Variants in GFM1 observed in about 807,000 individuals in gnomAD.
The protein encoded by GFM1 is G elongation factor mitochondrial 1.
In GFM1, 62 loss-of-function variants were observed where a neutral mutation model predicts 96.2. That is an observed-to-expected ratio of 0.64 (90% CI 0.53 to 0.80). The LOEUF (loss-of-function observed/expected upper bound fraction) is 0.80, where lower values mean the gene tolerates loss of function less well. GFM1 is among the 30% of genes least tolerant of loss of function. The pLI, the probability that GFM1 is intolerant of heterozygous loss-of-function variation, is 0.00. For missense variants in GFM1, 852 were observed against 916.6 expected (o/e 0.93, Z 0.91); for synonymous variants, 282 against 312.9 (o/e 0.90, Z 1.04).
At chr3:158,668,129 T>C (rs1419527103) in intron 13 of GFM1, among the ~76,000 whole-genome samples, 1 of 152,184 alleles carries the variant, frequency 6.6e-6, no homozygotes, top group Non-Finnish European at 1.5e-5. Flanking sequence ...AATTGTCCCT[T>C]AGTATCCATG....
Position 158,691,981 on chromosome 3 carries a change from G to T in GFM1, c.*514G>T, listed in dbSNP as rs1726361564. 1 of 157,456 alleles carries T rather than the reference G, an allele frequency of 6.4e-6. No individual in the cohort carries two copies. The highest frequency in any genetic ancestry group is 2.4e-5 in the African/African-American group (1 of 41,438). 9.8% of individuals were successfully genotyped at this position (157,456 alleles called of 1,614,324 possible). ...TTTAAGTCTCATAACTCTATTTTTA[G>T]TTTGCTGAAGACTTGAAAGTGAATC... On this transcript the variant is annotated 3_prime_UTR_variant, in exon 18 of 18. Transcript: ENST00000486715.
intron 13 of GFM1, chr3:158,669,707 T>G: frequency 8.3e-7 from 1 of 1,207,718 alleles, no homozygotes; most frequent in Non-Finnish European, 1.2e-6. Flanking sequence ...CTCCTAATGG[T>G]GTTGTTTTAG....
Position 158,690,580 on chromosome 3 carries a change from A to C in GFM1, c.2070+257A>C. ...CTCTTTCTTGAATAAGCACAGATGGACAAATTAAAAAGAAAAGGAAAAATA... is the reference window on the plus strand; with the variant it reads ...CTCTTTCTTGAATAAGCACAGATGGCCAAATTAAAAAGAAAAGGAAAAATA... On this transcript the variant is annotated intron_variant, in intron 16 of 17. Coordinates refer to ENST00000486715, the MANE Select transcript of GFM1 (RefSeq NM_024996.7). 1.3e-5 allele frequency: 6 copies of C among 455,780 alleles called. No homozygotes were observed. The East Asian group carries it at 2.6e-4, about 19-fold the overall frequency. 28.2% of individuals were successfully genotyped at this position (455,780 alleles called of 1,614,324 possible).
chr3:158,674,581 A>G (rs1042318521), intron 13 of GFM1, among the ~76,000 whole-genome samples: 2 of 152,240 alleles, frequency 1.3e-5, no homozygotes, highest in African/African-American at 2.4e-5. Context: ...AAATAAAAAA[A>G]TAAGACTTTC....
chr3:158,661,103 G>A, intron 10 of GFM1, 128 bp downstream of exon 10: 1 of 738,674 alleles, frequency 1.4e-6, no homozygotes, highest in East Asian at 2.5e-5. Flanking sequence ...CATCAAGTTA[G>A]TTGTGGCTCT....
chr3:158,664,528 A>G (rs1723460587), intron 11 of GFM1, among the ~76,000 whole-genome samples: 1 of 152,162 alleles, frequency 6.6e-6, no homozygotes, highest in African/African-American at 2.4e-5. Flanking sequence ...CCCTGCCTCC[A>G]TCTTCAGTGC....
chr3:158,655,725 A>G, intron 8 of GFM1: 1 of 363,418 alleles, frequency 2.8e-6, no homozygotes, highest in Non-Finnish European at 5.4e-6. Flanking sequence ...TCTATTGTTA[A>G]TACACACTGT....
In GFM1 at chr3:158,665,339, C is replaced by A. The variant is rs774976760; in HGVS notation, c.1383C>A (p.Asn461Lys). The A allele has an allele frequency of 1.2e-6, 2 of 1,606,714 alleles. No individual in the cohort carries two copies. Among genetic ancestry groups the A allele is most frequent in the South Asian group, 2.2e-5 (2 of 90,880 alleles). ...ISIAMKPSNK[N>K]DLEKFSKGIG... ...GTGACTTTCTTCTTCTTTTAAAGAA[C>A]GATCTGGAAAAATTTTCAAAAGGTA... Residue 461 changes from asparagine to lysine, a missense_variant and splice_region_variant, in exon 12 of 18, where the codon AAC becomes AAA. By Grantham distance (94) the Asn-to-Lys change is moderately conservative. Coordinates refer to ENST00000486715, the MANE Select transcript of GFM1 (RefSeq NM_024996.7).
intron 13 of GFM1, among the ~76,000 whole-genome samples, chr3:158,674,504 G>A (rs1022946961): frequency 2.0e-5 from 3 of 152,134 alleles, no homozygotes; most frequent in African/African-American, 7.2e-5. Context: ...CAAAGAATTG[G>A]TGAAATTTGG....
intron 11 of GFM1, among the ~76,000 whole-genome samples, chr3:158,664,174 G>A (rs1723420994): frequency 6.6e-6 from 1 of 152,204 alleles, no homozygotes; most frequent in South Asian, 2.1e-4. Flanking sequence ...TGTGGTAAAT[G>A]ATAGCTGTTA....
chr3:158,665,877 A>G (rs1723624709), intron 12 of GFM1, among the ~76,000 whole-genome samples: 1 of 152,208 alleles, frequency 6.6e-6, no homozygotes, highest in African/African-American at 2.4e-5. Context: ...GGAAGGGAAG[A>G]TGGGGCCTAT....
At chr3:158,646,720 C>T (rs757305168) in intron 3 of GFM1, 23 bp from the exon 4 acceptor site, 4 of 1,597,428 alleles carry the variant, frequency 2.5e-6, no homozygotes, top group Admixed American at 3.4e-5. Flanking sequence ...CTTTAAGACC[C>T]TCTCATACTT....
At chr3:158,652,561 A>G (rs1722383624) in intron 6 of GFM1, among the ~76,000 whole-genome samples, 1 of 152,088 alleles carries the variant, frequency 6.6e-6, no homozygotes, top group South Asian at 2.1e-4. Flanking sequence ...CCACAGCACT[A>G]TTGTTGGCCT....
At chr3:158,664,251 C>T (rs1451902492) in intron 11 of GFM1, among the ~76,000 whole-genome samples, 1 of 152,222 alleles carries the variant, frequency 6.6e-6, no homozygotes, top group Admixed American at 6.5e-5. Context: ...AACGTAGTGG[C>T]TTAAAACAAC....
chr3:158,690,255 A>G lies in GFM1; in HGVS notation c.2002A>G (p.Ile668Val), dbSNP rs199677035. 3 of 1,614,004 alleles carry G rather than the reference A, an allele frequency of 1.9e-6. No individual in the cohort carries two copies. The highest frequency in any genetic ancestry group is 2.5e-6 in the Non-Finnish European group (3 of 1,179,898). The change falls in exon 16 of 18, where the codon ATT becomes GTT. Residue 668 changes from isoleucine to valine, a missense_variant. Coordinates refer to ENST00000486715, the MANE Select transcript of GFM1 (RefSeq NM_024996.7). ...NEFQGQVIAG[I>V]NRRHGVITGQ... The stretch of plus-strand genomic sequence containing the variant: ...ATTTCAGGGACAAGTAATTGCAGGA[A>G]TTAACCGACGCCATGGGGTAATCAC...
At chr3:158,683,090 GT>G (rs1725552068) in intron 14 of GFM1, among the ~76,000 whole-genome samples, 1 of 151,688 alleles carries the variant, frequency 6.6e-6, no homozygotes, top group African/African-American at 2.4e-5. Context: ...ATAGACTGTG[GT>G]TTTTGTTTTT....
At chr3:158,669,245 TTTAA>T (rs1724029101) in intron 13 of GFM1, 21 of 1,282,332 alleles carry the variant, frequency 1.6e-5, no homozygotes, top group South Asian at 4.2e-5. Context: ...CAAAAAATAA[TTTAA>T]TTAAGCTATG....
intron 13 of GFM1, among the ~76,000 whole-genome samples, chr3:158,677,351 G>A (rs1724988089): frequency 6.6e-6 from 1 of 152,196 alleles, no homozygotes; most frequent in South Asian, 2.1e-4. Flanking sequence ...TTTGAAGCTA[G>A]CAGATGTTGG....
Position 158,665,322 on chromosome 3 carries a change from C to G in GFM1, c.1381-15C>G. The G allele has an allele frequency of 6.3e-7, 1 of 1,596,838 alleles. No homozygotes were observed. The highest frequency in any genetic ancestry group is 8.6e-7 in the Non-Finnish European group (1 of 1,164,762). On this transcript the variant is annotated splice_polypyrimidine_tract_variant and intron_variant, in intron 11 of 17. Coordinates refer to ENST00000486715, the MANE Select transcript of GFM1 (RefSeq NM_024996.7). ...GCTCAGTAAAACATATAGTGACTTTCTTCTTCTTTTAAAGAACGATCTGGA... is the reference window on the plus strand; with the variant it reads ...GCTCAGTAAAACATATAGTGACTTTGTTCTTCTTTTAAAGAACGATCTGGA...
Sources: gnomAD v4.1 joint callset for allele counts (sites outside exome capture counted in the v4.1 genomes callset) on GRCh38, gnomAD v4.1.1 for gene constraint, MANE v1.5 for transcripts, NCBI Gene and HGNC (gene_info 2026-07-23, HGNC 2026-07-21) for gene names.